ZNF503: variants seen among roughly 807,000 people sequenced by gnomAD.
ZNF503 encodes the protein NocA-like zinc finger 2.
A neutral mutation model predicts 34.4 loss-of-function variants in ZNF503; 15 were observed. The ratio of observed to expected loss-of-function variants is 0.44; its 90% CI spans 0.29 to 0.67. ZNF503 has a LOEUF of 0.67. Ranked by LOEUF, ZNF503 falls within the 30% of genes least tolerant of loss-of-function variation. The probability of loss-of-function intolerance (pLI) is 0.13; values close to 1 mark genes in which losing one functional copy is unlikely to be tolerated. For missense variants in ZNF503, 1,007 were observed against 926.8 expected, an observed-to-expected ratio of 1.09 and a Z score of -1.12; for synonymous variants, 580 against 456.8, an observed-to-expected ratio of 1.27 and a Z score of -3.44.
At chr10:75,304,062 G>C in the ZNF503 span, among the ~76,000 whole-genome samples, 1 of 152,084 alleles carries the variant, frequency 6.6e-6, no homozygotes, top group Non-Finnish European at 1.5e-5. Context: ...TCGAACTCCT[G>C]GTCTCAAGTG....
chr10:75,289,325 GC>G, the ZNF503 span, among the ~76,000 whole-genome samples: 2 of 152,248 alleles, frequency 1.3e-5, no homozygotes, highest in African/African-American at 4.8e-5. Flanking sequence ...CTGCCCACAG[GC>G]CTCTGGGCAT....
chr10:75,385,024 G>C, the ZNF503 span, among the ~76,000 whole-genome samples: 1 of 152,206 alleles, frequency 6.6e-6, no homozygotes, highest in South Asian at 2.1e-4. Flanking sequence ...CCCTTCTCGA[G>C]ATGGAGATAG....
chr10:75,310,413 A>G, the ZNF503 span, among the ~76,000 whole-genome samples: 1 of 152,236 alleles, frequency 6.6e-6, no homozygotes, highest in African/African-American at 2.4e-5. Flanking sequence ...AAACCTCAAC[A>G]AAAGCCTACT....
chr10:75,354,734 CAAA>C, the ZNF503 span, among the ~76,000 whole-genome samples: 1 of 151,310 alleles, frequency 6.6e-6, no homozygotes, highest in Non-Finnish European at 1.5e-5. Context: ...AACAAACAAA[CAAA>C]AAAAAACTTG....
chr10:75,292,698 C>T, the ZNF503 span, among the ~76,000 whole-genome samples: 2 of 152,188 alleles, frequency 1.3e-5, no homozygotes, highest in African/African-American at 4.8e-5. Context: ...ATATGTTTTT[C>T]CCAGTGGCCA....
Position 75,400,238 on chromosome 10 carries a change from G to A in ZNF503, c.452C>T (p.Ala151Val), listed in dbSNP as rs1843773740. ...CGATTTGGTGTCCTTGTCGCCCGCAGCACCGCCGCCGGCACCGCCCGCGCC... is the reference window on the plus strand; with the variant it reads ...CGATTTGGTGTCCTTGTCGCCCGCAACACCGCCGCCGGCACCGCCCGCGCC... ...GGGAGGAGGG[A>V]AGDKDTKSGP... Residue 151 changes from alanine to valine, a missense_variant, in exon 2 of 2, where the codon GCT becomes GTT. Transcript: ENST00000372524. 3 of 1,610,750 alleles carry A rather than the reference G, an allele frequency of 1.9e-6. No homozygotes were observed. The highest frequency in any genetic ancestry group is 2.5e-6 in the Non-Finnish European group (3 of 1,179,238).
At chr10:75,380,013 T>C in the ZNF503 span, among the ~76,000 whole-genome samples, 12 of 152,128 alleles carry the variant, frequency 7.9e-5, no homozygotes, top group African/African-American at 4.8e-5. Flanking sequence ...GTGGAAGGAA[T>C]AGAGTGTCTG....
At chr10:75,294,429 G>A in the ZNF503 span, among the ~76,000 whole-genome samples, 1 of 152,320 alleles carries the variant, frequency 6.6e-6, no homozygotes, top group Admixed American at 6.5e-5. Context: ...CTGGCGTTGG[G>A]CTTTCGATCC....
chr10:75,294,656 C>G, the ZNF503 span, among the ~76,000 whole-genome samples: 2 of 146,744 alleles, frequency 1.4e-5, 1 homozygote, highest in Admixed American at 1.4e-4. Flanking sequence ...CGCCCAAGGG[C>G]AGGGGCAGGG....
chr10:75,284,355 G>C, the ZNF503 span, among the ~76,000 whole-genome samples: 44,549 of 147,924 alleles, frequency 0.3, 6,983 homozygotes, highest in Middle Eastern at 0.35. Context: ...GAGAGGCCCA[G>C]AAGAGGGAGC....
the ZNF503 span, among the ~76,000 whole-genome samples, chr10:75,351,413 C>A: frequency 6.6e-6 from 1 of 152,186 alleles, no homozygotes; most frequent in Non-Finnish European, 1.5e-5. Context: ...CTTCAGTGAT[C>A]TGCCCATCTC....
At chr10:75,305,014 A>G in the ZNF503 span, among the ~76,000 whole-genome samples, 1 of 152,156 alleles carries the variant, frequency 6.6e-6, no homozygotes, top group Non-Finnish European at 1.5e-5. Context: ...GCATAATTGT[A>G]TACTTTAACT....
At chr10:75,357,218 G>T in the ZNF503 span, among the ~76,000 whole-genome samples, 1 of 152,024 alleles carries the variant, frequency 6.6e-6, no homozygotes, top group Admixed American at 6.6e-5. Flanking sequence ...GGTATAGCTA[G>T]CATCATAATC....
chr10:75,289,058 G>A, the ZNF503 span, among the ~76,000 whole-genome samples: 1 of 152,154 alleles, frequency 6.6e-6, no homozygotes, highest in African/African-American at 2.4e-5. Context: ...ATGGAAAGAG[G>A]GCGGCCCTGG....
chr10:75,340,147 T>G, the ZNF503 span, among the ~76,000 whole-genome samples: 1 of 5,156 alleles, frequency 1.9e-4, no homozygotes, highest in African/African-American at 8.2e-4. Flanking sequence ...GGGGGCCTGG[T>G]GGTGGGGGCC....
At chr10:75,296,044 A>G in the ZNF503 span, among the ~76,000 whole-genome samples, 1 of 152,226 alleles carries the variant, frequency 6.6e-6, no homozygotes, top group African/African-American at 2.4e-5. Context: ...TTCCTAGTCA[A>G]CAAGACTACA....
the ZNF503 span, among the ~76,000 whole-genome samples, chr10:75,379,504 G>A: frequency 1.3e-5 from 2 of 152,198 alleles, no homozygotes; most frequent in Non-Finnish European, 2.9e-5. Context: ...CAAAAGCTGG[G>A]GAAATGTCCC....
chr10:75,280,555 CGTGTGTGTGTGTGT>C, the ZNF503 span, among the ~76,000 whole-genome samples: 1 of 146,516 alleles, frequency 6.8e-6, no homozygotes, highest in African/African-American at 2.5e-5. Context: ...GGTGTGTATG[CGTGTGTGTGTGTGT>C]GTGTGTGTGT....
At chr10:75,400,426 A>G (rs1359215166) in intron 1 of ZNF503, 52 bp from the exon 2 acceptor site, 1 of 1,535,534 alleles carries the variant, frequency 6.5e-7, no homozygotes, top group South Asian at 1.3e-5. Flanking sequence ...AGAAGTGGAA[A>G]CCCTTTAGAA....
Sources: gnomAD v4.1 joint callset for allele counts (sites outside exome capture counted in the v4.1 genomes callset) on GRCh38, gnomAD v4.1.1 for gene constraint, MANE v1.5 for transcripts, NCBI Gene and HGNC (gene_info 2026-07-23, HGNC 2026-07-21) for gene names.